The following PIK3CD variants were observed in gnomAD, a reference collection of about 807,000 sequenced individuals.
PIK3CD encodes the protein phosphatidylinositol 4,5-bisphosphate 3-kinase catalytic subunit delta isoform.
Under a neutral mutation model 122.9 loss-of-function variants are expected in PIK3CD, and 20 were observed. The ratio of observed to expected loss-of-function variants is 0.16; its 90% CI spans 0.11 to 0.24. The LOEUF (loss-of-function observed/expected upper bound fraction) is 0.24. Among genes scored for constraint, PIK3CD ranks in the 10% least tolerant of loss-of-function variants. PIK3CD has a pLI of 1.00. For missense variants in PIK3CD, 787 were observed against 1,406.3 expected (o/e 0.56, Z 7.04); for synonymous variants, 596 against 593.4 (o/e 1.00, Z -0.06).
At chr1:9,636,220 G>T in the PIK3CD span, among the ~76,000 whole-genome samples, 1 of 152,084 alleles carries the variant, frequency 6.6e-6, no homozygotes, top group Non-Finnish European at 1.5e-5. Context: ...GGGGGACATG[G>T]TCTCACTCTG....
chr1:9,722,404 C>G lies in PIK3CD; in HGVS notation c.2347+48C>G, dbSNP rs146559176. Reference sequence around the variant, plus strand: ...CCCCGCCTGTACTGCCCTGGGGGGTCCTGGGGTGCTCCTAGAGTGGGGGTG... The same window carrying G: ...CCCCGCCTGTACTGCCCTGGGGGGTGCTGGGGTGCTCCTAGAGTGGGGGTG... On this transcript the variant is annotated intron_variant, in intron 18 of 23. Coordinates refer to ENST00000377346, the MANE Select transcript of PIK3CD (RefSeq NM_005026.5). This position sits in a 1 kb window ranked among gnomAD's most constrained non-coding sequence, Gnocchi z 7.6. The G allele has an allele frequency of 3.4e-5, 53 of 1,561,978 alleles. 1 individual carries two copies. In the African/African-American group the frequency reaches 5.4e-4, roughly 16 times the overall value.
At chr1:9,690,012 C>G (rs962778458) in intron 1 of PIK3CD, among the ~76,000 whole-genome samples, 3 of 152,196 alleles carry the variant, frequency 2.0e-5, no homozygotes, top group Non-Finnish European at 4.4e-5. Context: ...CCGCTGCCGC[C>G]CTTGATGGGA....
chr1:9,644,522 A>AATAT, the PIK3CD span, among the ~76,000 whole-genome samples: 1 of 147,176 alleles, frequency 6.8e-6, no homozygotes. Flanking sequence ...GTCTCAAATA[A>AATAT]ATAAATAAAT....
At chr1:9,686,362 T>TTCC (rs1645964650) in intron 1 of PIK3CD, among the ~76,000 whole-genome samples, 1 of 144,522 alleles carries the variant, frequency 6.9e-6, no homozygotes, top group African/African-American at 2.7e-5. Flanking sequence ...CCAGGCTAAT[T>TTCC]TTCTTTTTTT....
chr1:9,673,191 TG>T (rs1319472263), intron 1 of PIK3CD, among the ~76,000 whole-genome samples: 4 of 151,806 alleles, frequency 2.6e-5, no homozygotes, highest in Admixed American at 2.0e-4. Flanking sequence ...CTTGACCTCC[TG>T]GGCTTAACCC....
At position 9,710,662 on chromosome 1, in the gene PIK3CD, TAGACAGACAGAC is replaced by T. The variant is rs375534148; in HGVS notation, c.141+78_141+89del. The stretch of plus-strand genomic sequence containing the variant: ...AGAGAGAGAGAGAGAGAGACACAGA[TAGACAGACAGAC>T]AGACAGACAGATGGACAGGTGGACA... On this transcript the variant is annotated intron_variant, in intron 3 of 23. Transcript: ENST00000377346. This position sits in a 1 kb window ranked among gnomAD's most constrained non-coding sequence, Gnocchi z 4.7. 1.4e-6 allele frequency: 2 copies of T among 1,452,640 alleles called. No individual in the cohort carries two copies. Among genetic ancestry groups the T allele is most frequent in the Non-Finnish European group, 9.6e-7 (1 of 1,043,484 alleles). The allele number at this position is 1,452,640 out of a possible 1,614,324, so 90.0% of individuals were successfully genotyped here.
intron 1 of PIK3CD, among the ~76,000 whole-genome samples, chr1:9,674,549 G>C (rs1475925896): frequency 6.6e-6 from 1 of 151,948 alleles, no homozygotes; most frequent in African/African-American, 2.4e-5. Context: ...AATTAGCCGG[G>C]TGTGGTGGTG....
In PIK3CD at chr1:9,667,533, C is replaced by T. The variant is rs554283510; in HGVS notation, c.-138+15731C>T. Among the ~76,000 whole-genome samples, 16 of 151,536 alleles carry T rather than the reference C, an allele frequency of 1.1e-4. No homozygotes were observed. The South Asian group carries it at 2.5e-3, about 24-fold the overall frequency. On this transcript the variant is annotated intron_variant, in intron 1 of 23. Transcript: ENST00000377346. The stretch of plus-strand genomic sequence containing the variant: ...CTGGGACCACAGGCTCACGCCACCA[C>T]GCCCGGCTAATTTTTTGTATTTTTA...
chr1:9,653,839 C>A (rs1644753448), intron 1 of PIK3CD: 1 of 1,367,498 alleles, frequency 7.3e-7, no homozygotes, highest in Non-Finnish European at 9.8e-7. Context: ...TGGCGGCTTC[C>A]TGGGCTTGGT....
intron 2 of PIK3CD, among the ~76,000 whole-genome samples, chr1:9,696,501 T>C (rs889914147): frequency 6.6e-6 from 1 of 151,604 alleles, no homozygotes; most frequent in Non-Finnish European, 1.5e-5. Flanking sequence ...CCTGTAATCC[T>C]AGCACTTTGG....
Position 9,718,515 on chromosome 1 carries a change from C to G in PIK3CD, c.1021-179C>G, listed in dbSNP as rs1251927772. 6.6e-6 allele frequency among the ~76,000 whole-genome samples: 1 copy of G among 152,100 alleles called. No individual in the cohort carries two copies. Among genetic ancestry groups the G allele is most frequent in the Non-Finnish European group, 1.5e-5 (1 of 68,010 alleles). On this transcript the variant is annotated intron_variant, in intron 8 of 23. Coordinates refer to ENST00000377346, the MANE Select transcript of PIK3CD (RefSeq NM_005026.5). The surrounding 1 kb of genome is among the most constrained non-coding windows in gnomAD (Gnocchi z 7.2). ...CCATGCACAGCCCGTGGTACCCTCC[C>G]TCACCCCAGGGCCGCTCATGCCCCT...
At chr1:9,726,377 C>T (rs1273470337) in intron 23 of PIK3CD, among the ~76,000 whole-genome samples, 1 of 151,946 alleles carries the variant, frequency 6.6e-6, no homozygotes, top group African/African-American at 2.4e-5. Flanking sequence ...GGTGTGGTGG[C>T]GGCTGCCTGT....
chr1:9,723,615 G>A lies in PIK3CD; in HGVS notation c.2594+323G>A, dbSNP rs1458043863. On this transcript the variant is annotated intron_variant, in intron 20 of 23. Transcript: ENST00000377346. This position sits in a 1 kb window ranked among gnomAD's most constrained non-coding sequence, Gnocchi z 4.9. ...GTTCCACATAATCACTCATGCAGCTGTTCTCATCTGGTGCCTTAACTGGGC... is the reference window on the plus strand; with the variant it reads ...GTTCCACATAATCACTCATGCAGCTATTCTCATCTGGTGCCTTAACTGGGC... 1.3e-5 allele frequency among the ~76,000 whole-genome samples: 2 copies of A among 152,230 alleles called. No individual in the cohort carries two copies. Among genetic ancestry groups the A allele is most frequent in the African/African-American group, 2.4e-5 (1 of 41,462 alleles).
At chr1:9,725,889 A>G (rs746327935) in intron 23 of PIK3CD, among the ~76,000 whole-genome samples, 29 of 152,104 alleles carry the variant, frequency 1.9e-4, no homozygotes, top group Non-Finnish European at 3.5e-4. Flanking sequence ...AAAAATAATA[A>G]TAAAATAAAA....
In PIK3CD at chr1:9,720,102, C is replaced by A; in HGVS notation, c.1340-10C>A. Reference sequence around the variant, plus strand: ...CACCCCTCTACAACTTCATCTGCCCCTGTGTTCAGATGAGAAGGGCGAGCT... The same window carrying A: ...CACCCCTCTACAACTTCATCTGCCCATGTGTTCAGATGAGAAGGGCGAGCT... On this transcript the variant is annotated splice_polypyrimidine_tract_variant and intron_variant, in intron 10 of 23. Transcript: ENST00000377346. The surrounding 1 kb of genome is among the most constrained non-coding windows in gnomAD (Gnocchi z 9.0). 6 of 1,613,316 alleles carry A rather than the reference C, an allele frequency of 3.7e-6. No homozygotes were observed. Among genetic ancestry groups the A allele is most frequent in the Non-Finnish European group, 5.1e-6 (6 of 1,180,004 alleles).
In PIK3CD at chr1:9,689,937, G is replaced by T. The variant is rs977084822; in HGVS notation, c.-137-1530G>T. Among the ~76,000 whole-genome samples the T allele has an allele frequency of 6.6e-6, 1 of 152,192 alleles. No homozygotes were observed. Among genetic ancestry groups the T allele is most frequent in the Non-Finnish European group, 1.5e-5 (1 of 68,008 alleles). On this transcript the variant is annotated intron_variant, in intron 1 of 23. Coordinates refer to ENST00000377346, the MANE Select transcript of PIK3CD (RefSeq NM_005026.5). This position sits in a 1 kb window ranked among gnomAD's most constrained non-coding sequence, Gnocchi z 6.1. ...GATTCTCAGCTATGGGCCGCGCGAC[G>T]CTCTCCTCTCCTAATCTGGTTGCTT...
upstream of PIK3CD, among the ~76,000 whole-genome samples, chr1:9,648,656 C>T (rs1422131528): frequency 1.3e-5 from 2 of 150,152 alleles, no homozygotes; most frequent in African/African-American, 4.9e-5. Context: ...AAGCAAGAGG[C>T]TGTGAGCCTC....
At chr1:9,674,499 G>A (rs1645438286) in intron 1 of PIK3CD, among the ~76,000 whole-genome samples, 1 of 152,068 alleles carries the variant, frequency 6.6e-6, no homozygotes, top group South Asian at 2.1e-4. Flanking sequence ...AGACCAGTCT[G>A]ACCAATATGG....
At position 9,727,280 on chromosome 1, in the gene PIK3CD, G is replaced by C. The variant is rs1649807756; in HGVS notation, c.*234G>C. 5.3e-6 allele frequency: 3 copies of C among 569,674 alleles called. No individual in the cohort carries two copies. The Admixed American group carries it at 8.9e-5, about 17-fold the overall frequency. The allele number at this position is 569,674 out of a possible 1,614,324, so 35.3% of individuals were successfully genotyped here. ...CGGCGGTGCTGGGCCCCCCGAGGCT[G>C]CACCTGGCTCTCGGCTGAGGATTGT... On this transcript the variant is annotated 3_prime_UTR_variant, in exon 24 of 24. Transcript: ENST00000377346.
Sources: gnomAD v4.1 joint callset for allele counts (sites outside exome capture counted in the v4.1 genomes callset) on GRCh38, gnomAD v4.1.1 for gene constraint, Gnocchi (gnomAD v3.1) non-coding constraint, MANE v1.5 for transcripts, NCBI Gene and HGNC (gene_info 2026-07-23, HGNC 2026-07-21) for gene names.